RIC1: variants seen among roughly 807,000 people sequenced by gnomAD.
RIC1 encodes RIC1 partner of RAB6A GEF complex, also known as guanine nucleotide exchange factor subunit RIC1.
RIC1 carries 88 observed loss-of-function variants against 169.0 expected under a neutral mutation model. That is an observed-to-expected ratio of 0.52 (90% CI 0.44 to 0.62). The LOEUF is 0.62. Ranked by LOEUF, RIC1 falls within the 20% of genes least tolerant of loss-of-function variation. RIC1 has a pLI of 0.00. For synonymous variants in RIC1, 790 were observed against 601.5 expected (o/e 1.31, Z -4.59); for missense variants, 1,877 against 1,725.5 (o/e 1.09, Z -1.56).
intron 23 of RIC1, 87 bp downstream of exon 23, chr9:5,770,365 T>C (rs1241790935): frequency 8.5e-7 from 1 of 1,174,074 alleles, no homozygotes; most frequent in South Asian, 1.5e-5. Flanking sequence ...CTTCATTCTT[T>C]TTCTATCGTG....
chr9:5,707,140 G>A (rs1381947261), intron 3 of RIC1, among the ~76,000 whole-genome samples: 1 of 151,976 alleles, frequency 6.6e-6, no homozygotes, highest in African/African-American at 2.4e-5. Context: ...GTTCTTCTTT[G>A]AGTCATTGAT....
intron 11 of RIC1, among the ~76,000 whole-genome samples, chr9:5,746,629 C>G (rs1825393032): frequency 6.6e-6 from 1 of 152,114 alleles, no homozygotes; most frequent in Admixed American, 6.5e-5. Flanking sequence ...GAAAGTATGT[C>G]TGAGGACTTG....
chr9:5,680,986 C>G (rs1820795347), intron 2 of RIC1, among the ~76,000 whole-genome samples: 1 of 150,554 alleles, frequency 6.6e-6, no homozygotes, highest in South Asian at 2.1e-4. Context: ...GCTACCACGC[C>G]CGGCTAATTT....
intron 1 of RIC1, among the ~76,000 whole-genome samples, chr9:5,636,473 C>G (rs1817978186): frequency 6.6e-6 from 1 of 152,112 alleles, no homozygotes; most frequent in Admixed American, 6.5e-5. Context: ...GTGCCTGCCA[C>G]CATACCCGGC....
chr9:5,768,685 T>C (rs1826972465), intron 21 of RIC1, among the ~76,000 whole-genome samples: 4 of 152,138 alleles, frequency 2.6e-5, no homozygotes, highest in East Asian at 1.9e-4. Context: ...TTGCTGCCTT[T>C]CTTTCTGTCA....
At chr9:5,675,624 T>C (rs1820394379) in intron 2 of RIC1, among the ~76,000 whole-genome samples, 1 of 152,200 alleles carries the variant, frequency 6.6e-6, no homozygotes, top group Non-Finnish European at 1.5e-5. Flanking sequence ...CTTAATAAAT[T>C]AATGTGAAAT....
chr9:5,639,855 T>C (rs1032775820), intron 1 of RIC1, among the ~76,000 whole-genome samples: 2 of 152,238 alleles, frequency 1.3e-5, no homozygotes, highest in Non-Finnish European at 2.9e-5. Context: ...ACAATTTTTG[T>C]CTTGAAATCT....
intron 2 of RIC1, among the ~76,000 whole-genome samples, chr9:5,661,064 T>C (rs1182135874): frequency 6.6e-6 from 1 of 152,214 alleles, no homozygotes; most frequent in African/African-American, 2.4e-5. Context: ...AGCTAGCCAG[T>C]ACTCCCAGCA....
At chr9:5,646,874 A>G (rs1695487275) in intron 1 of RIC1, among the ~76,000 whole-genome samples, 2 of 152,228 alleles carry the variant, frequency 1.3e-5, no homozygotes, top group Admixed American at 1.3e-4. Flanking sequence ...TATCCAAGAA[A>G]TTGTTTTCAA....
chr9:5,639,259 T>G (rs952273912), intron 1 of RIC1, among the ~76,000 whole-genome samples: 6 of 152,202 alleles, frequency 3.9e-5, no homozygotes, highest in African/African-American at 1.4e-4. Flanking sequence ...CTGTTAATAC[T>G]GCTTTTGCTG....
chr9:5,712,423 C>T (rs528199314), intron 3 of RIC1, among the ~76,000 whole-genome samples: 3 of 152,096 alleles, frequency 2.0e-5, no homozygotes, highest in East Asian at 3.9e-4. Context: ...AATGGGAGAA[C>T]ATTTTTGCAA....
intron 1 of RIC1, among the ~76,000 whole-genome samples, chr9:5,649,823 A>G (rs1383326092): frequency 6.7e-6 from 1 of 149,860 alleles, no homozygotes; most frequent in Admixed American, 6.6e-5. Context: ...AGTTTTTTAG[A>G]TTGGCTTTCA....
At chr9:5,746,496 T>C (rs774048827) in intron 11 of RIC1, among the ~76,000 whole-genome samples, 3 of 152,108 alleles carry the variant, frequency 2.0e-5, no homozygotes, top group Non-Finnish European at 4.4e-5. Flanking sequence ...ATTGTAGAGA[T>C]TGATTGTAGG....
chr9:5,736,727 A>G (rs985613601), intron 7 of RIC1, among the ~76,000 whole-genome samples: 2 of 152,234 alleles, frequency 1.3e-5, no homozygotes, highest in Non-Finnish European at 2.9e-5. Flanking sequence ...TGAAAAACAT[A>G]CTGTATGGAA....
At chr9:5,641,449 T>A (rs532318416) in intron 1 of RIC1, among the ~76,000 whole-genome samples, 1 of 152,144 alleles carries the variant, frequency 6.6e-6, no homozygotes, top group African/African-American at 2.4e-5. Flanking sequence ...CTTCTCATAC[T>A]TGAATGCAGA....
chr9:5,769,423 A>C (rs1224758016), intron 22 of RIC1, 167 bp downstream of exon 22: 9 of 1,540,264 alleles, frequency 5.8e-6, no homozygotes. Context: ...GTTTGACCAA[A>C]GATGTAAATA....
intron 1 of RIC1, among the ~76,000 whole-genome samples, chr9:5,648,440 T>A (rs1057016985): frequency 6.6e-6 from 1 of 152,240 alleles, no homozygotes; most frequent in Non-Finnish European, 1.5e-5. Context: ...GACACTTAGG[T>A]TGATTCCATA....
chr9:5,765,609 A>T lies in RIC1; in HGVS notation c.3000+37A>T, dbSNP rs187959860. On this transcript the variant is annotated intron_variant, in intron 20 of 25. Transcript: ENST00000414202. ...AAGTTACACATCTTCTCTAGGCCAT[A>T]CACCCACGTAGCATCTTTCTCTAAT... The T allele has an allele frequency of 1.7e-4, 279 of 1,614,040 alleles. No homozygotes were observed. The African/African-American group carries it at 3.2e-3, about 18-fold the overall frequency.
At chr9:5,750,856 T>G (rs775936000) in intron 12 of RIC1, among the ~76,000 whole-genome samples, 1 of 151,754 alleles carries the variant, frequency 6.6e-6, no homozygotes, top group Non-Finnish European at 1.5e-5. Flanking sequence ...AGATGACACA[T>G]AGATCAATAA....
Sources: gnomAD v4.1 joint callset for allele counts (sites outside exome capture counted in the v4.1 genomes callset) on GRCh38, gnomAD v4.1.1 for gene constraint, MANE v1.5 for transcripts, NCBI Gene and HGNC (gene_info 2026-07-23, HGNC 2026-07-21) for gene names.